Variants in DIAPH3 observed in about 807,000 individuals in gnomAD.
DIAPH3 encodes protein diaphanous homolog 3.
Under a neutral mutation model 144.3 loss-of-function variants are expected in DIAPH3, and 117 were observed. That is an observed-to-expected ratio of 0.81 (90% CI 0.70 to 0.95). The LOEUF is 0.95. Among genes scored for constraint, DIAPH3 ranks in the 40% least tolerant of loss-of-function variants. DIAPH3 has a pLI of 0.00. For missense variants in DIAPH3, 1,421 were observed against 1,412.7 expected, an observed-to-expected ratio of 1.01 and a Z score of -0.09; for synonymous variants, 519 against 488.9, an observed-to-expected ratio of 1.06 and a Z score of -0.81.
At chr13:59,713,408 G>A (rs1404437647) in intron 27 of DIAPH3, among the ~76,000 whole-genome samples, 1 of 152,058 alleles carries the variant, frequency 6.6e-6, no homozygotes, top group Non-Finnish European at 1.5e-5. Flanking sequence ...TCTCAAATGT[G>A]TCTGTAAACA....
intron 5 of DIAPH3, among the ~76,000 whole-genome samples, chr13:60,026,688 A>G (rs910071035): frequency 6.6e-6 from 1 of 152,162 alleles, no homozygotes; most frequent in African/African-American, 2.4e-5. Flanking sequence ...CAACCAACCA[A>G]CGGTATTAGA....
intron 27 of DIAPH3, among the ~76,000 whole-genome samples, chr13:59,740,653 C>T (rs1265429689): frequency 1.3e-5 from 2 of 152,100 alleles, no homozygotes; most frequent in African/African-American, 4.8e-5. Context: ...CTTAGGTATC[C>T]TGAGAAAAAT....
At chr13:60,019,116 T>C (rs1344316853) in intron 5 of DIAPH3, among the ~76,000 whole-genome samples, 5 of 152,136 alleles carry the variant, frequency 3.3e-5, no homozygotes, top group African/African-American at 1.2e-4. Flanking sequence ...TAAAAAGTGA[T>C]ATTGAGTAGG....
intron 3 of DIAPH3, among the ~76,000 whole-genome samples, chr13:60,105,727 AC>A (rs1177746041): frequency 6.6e-5 from 10 of 152,160 alleles, no homozygotes; most frequent in African/African-American, 2.4e-4. Context: ...GCCTTAATAC[AC>A]TTTTTTAGAT....
At chr13:59,832,688 T>C (rs1479627620) in intron 24 of DIAPH3, among the ~76,000 whole-genome samples, 2 of 151,774 alleles carry the variant, frequency 1.3e-5, no homozygotes, top group African/African-American at 4.8e-5. Context: ...CAAAGGCAAA[T>C]TGCGTGTAGC....
At chr13:59,995,657 T>TA (rs1307077462) in intron 9 of DIAPH3, among the ~76,000 whole-genome samples, 1 of 151,842 alleles carries the variant, frequency 6.6e-6, no homozygotes, top group Non-Finnish European at 1.5e-5. Flanking sequence ...CTGAGCAACT[T>TA]AAAGGATGAA....
At chr13:59,686,347 T>A (rs1379517) in intron 27 of DIAPH3, among the ~76,000 whole-genome samples, 26 of 151,770 alleles carry the variant, frequency 1.7e-4, no homozygotes, top group African/African-American at 4.6e-4. Flanking sequence ...GAGATGTCAC[T>A]TACACCTTTT....
intron 20 of DIAPH3, among the ~76,000 whole-genome samples, chr13:59,898,838 G>C (rs1349610020): frequency 6.6e-6 from 1 of 152,132 alleles, no homozygotes; most frequent in African/African-American, 2.4e-5. Context: ...TATTGTTCCT[G>C]GGTATGTCTT....
chr13:59,779,262 ACACTAGACTATTATATACATAAT>A (rs1206923213), intron 25 of DIAPH3, among the ~76,000 whole-genome samples: 1 of 152,234 alleles, frequency 6.6e-6, no homozygotes, highest in African/African-American at 2.4e-5. Context: ...TACCTGTGAG[ACACTAGACTATTATATACATAAT>A]CATTCCTGAC....
At chr13:60,150,621 T>G (rs1179965389) in intron 1 of DIAPH3, among the ~76,000 whole-genome samples, 1 of 152,148 alleles carries the variant, frequency 6.6e-6, no homozygotes, top group Non-Finnish European at 1.5e-5. Context: ...GTTATTGTGA[T>G]GATGATTGTT....
At chr13:59,973,669 T>C (rs2050515606) in intron 15 of DIAPH3, among the ~76,000 whole-genome samples, 1 of 152,094 alleles carries the variant, frequency 6.6e-6, no homozygotes, top group Non-Finnish European at 1.5e-5. Context: ...TATTTCAACA[T>C]AACTGTAAAT....
At chr13:60,124,151 C>T (rs540299545) in intron 2 of DIAPH3, among the ~76,000 whole-genome samples, 3 of 152,052 alleles carry the variant, frequency 2.0e-5, no homozygotes, top group African/African-American at 7.2e-5. Flanking sequence ...ACAGTTATAC[C>T]GAGGAAGAAG....
At chr13:59,992,352 A>G (rs1402189644) in intron 10 of DIAPH3, 121 bp downstream of exon 10, 1 of 1,100,372 alleles carries the variant, frequency 9.1e-7, no homozygotes, top group Non-Finnish European at 1.3e-6. Flanking sequence ...TCAAAAATAG[A>G]TTTTTTAACT....
chr13:60,028,622 C>T (rs1405446550), intron 5 of DIAPH3, among the ~76,000 whole-genome samples: 1 of 152,158 alleles, frequency 6.6e-6, no homozygotes, highest in Non-Finnish European at 1.5e-5. Flanking sequence ...TCCATACAAC[C>T]TGCCCACACT....
Position 59,666,608 on chromosome 13 carries a change from C to T in DIAPH3, c.3558G>A (p.Leu1186=), listed in dbSNP as rs752894201. The T allele has an allele frequency of 6.2e-7, 1 of 1,613,942 alleles. No individual in the cohort carries two copies. The highest frequency in any genetic ancestry group is 1.7e-5 in the Admixed American group (1 of 59,998). The change falls in exon 28 of 28, where the codon CTG becomes CTA. Residue 1186 remains leucine, a synonymous_variant. Transcript: ENST00000400324. The stretch of plus-strand genomic sequence containing the variant: ...CTTATAAAGCTCGTAATCTTGCCAG[C>T]AGGGCTTCAACTTCGGGAACTGATT... The part of the protein sequence containing the change: ...KNESVPEVEA[L]LARLRAL
rs187035288 is a variant in DIAPH3 at position 59,776,957 on chromosome 13, C to A, written c.3164-2134G>T. ...ACAAACAAACAAACAAACAAAAAAA[C>A]CCTTTTCCTATAACACTATAGTAGC... On this transcript the variant is annotated intron_variant, in intron 25 of 27. Transcript: ENST00000400324. Among the ~76,000 whole-genome samples, 890 of 151,934 alleles carry A rather than the reference C, an allele frequency of 5.9e-3. 2 individuals are homozygous for A. The highest frequency in any genetic ancestry group is 0.027 in the Middle Eastern group (8 of 294).
At position 59,959,979 on chromosome 13, in the gene DIAPH3, C is replaced by T. The variant is rs2066385736; in HGVS notation, c.2074+9965G>A. Among the ~76,000 whole-genome samples, 3 of 152,258 alleles carry T rather than the reference C, an allele frequency of 2.0e-5. No individual in the cohort carries two copies. The South Asian group carries it at 6.2e-4, about 32-fold the overall frequency. ...TCACATCACTGGGATATTGAATTAA[C>T]CAATTCTAGGACCACCAACCACCAG... is the stretch of plus-strand genomic sequence containing the variant. On this transcript the variant is annotated intron_variant, in intron 17 of 27. Coordinates refer to ENST00000400324, the MANE Select transcript of DIAPH3 (RefSeq NM_001042517.2).
chr13:60,142,765 TA>T (rs373100831), intron 1 of DIAPH3, among the ~76,000 whole-genome samples: 5 of 152,188 alleles, frequency 3.3e-5, no homozygotes, highest in South Asian at 2.1e-4. Flanking sequence ...TATTTTTTAT[TA>T]TTTTTTTTAG....
At chr13:59,752,073 G>C (rs375155720) in intron 27 of DIAPH3, among the ~76,000 whole-genome samples, 1 of 152,190 alleles carries the variant, frequency 6.6e-6, no homozygotes, top group African/African-American at 2.4e-5. Flanking sequence ...CCAGAGTACA[G>C]TCTCTTTCCC....
Sources: allele counts gnomAD v4.1 joint callset (sites outside exome capture counted in the v4.1 genomes callset), GRCh38; gene constraint gnomAD v4.1.1; transcripts MANE v1.5; gene names NCBI Gene and HGNC (gene_info 2026-07-23, HGNC 2026-07-21).